The following BAG6 variants were observed in gnomAD, a reference collection of about 807,000 sequenced individuals.
The protein encoded by BAG6 is BAG cochaperone 6, also known as large proline-rich protein BAG6.
A neutral mutation model predicts 121.0 loss-of-function variants in BAG6; 22 were observed. That is an observed-to-expected ratio of 0.18 (90% CI 0.13 to 0.26). The LOEUF is 0.26. BAG6 is among the 10% of genes least tolerant of loss of function. The pLI, the probability that BAG6 is intolerant of heterozygous loss-of-function variation, is 1.00. For synonymous variants in BAG6, 583 were observed against 584.6 expected (o/e 1.00, Z 0.04); for missense variants, 1,233 against 1,537.7 (o/e 0.80, Z 3.31).
intron 2 of BAG6, among the ~76,000 whole-genome samples, chr6:31,649,895 A>T (rs1794414535): frequency 6.6e-6 from 1 of 152,156 alleles, no homozygotes; most frequent in Non-Finnish European, 1.5e-5. Flanking sequence ...TTAGGTCAGG[A>T]GTTCGAGACC....
intron 4 of BAG6, 83 bp downstream of exon 4, chr6:31,649,116 G>T: frequency 6.4e-7 from 1 of 1,563,680 alleles, no homozygotes; most frequent in Non-Finnish European, 8.8e-7. Flanking sequence ...TCTAAAGATG[G>T]AAGCATCTAT....
rs779720134 is a variant in BAG6, at chr6:31,640,272, C to T, written c.3173G>A (p.Ser1058Asn). The T allele has an allele frequency of 6.2e-7, 1 of 1,614,216 alleles. No individual in the cohort carries two copies. The highest frequency in any genetic ancestry group is 8.5e-7 in the Non-Finnish European group (1 of 1,180,034). The part of the protein sequence containing the change: ...WVPIIQQDIQ[S>N]QRKVKPQPPL... ...GGGCTGCGGTTTCACCTTCCGCTGG[C>T]TCTGAATGTCCTGCTGGATAATAGG... The change falls in exon 24 of 26, where the codon AGC (serine) becomes AAC (asparagine). Residue 1058 changes from serine (S) to asparagine (N), a missense_variant. Physicochemically the swap from Ser to Asn is conservative, Grantham distance 46. Transcript: ENST00000676615. This position sits in a 1 kb window ranked among gnomAD's most constrained non-coding sequence, Gnocchi z 4.2.
At position 31,641,464 on chromosome 6, in the gene BAG6, A is replaced by C; in HGVS notation, c.2560-42T>G. ...CACAAAGATCCCAAAATCAAGAATC[A>C]TAAGACTGGGAGTGGAGGAGGCAGC... On this transcript the variant is annotated intron_variant, in intron 18 of 25. Coordinates refer to ENST00000676615, the MANE Select transcript of BAG6 (RefSeq NM_001387994.1). The surrounding 1 kb of genome is among the most constrained non-coding windows in gnomAD (Gnocchi z 5.7). 6.2e-7 allele frequency: 1 copy of C among 1,614,098 alleles called. No individual in the cohort carries two copies. The highest frequency in any genetic ancestry group is 1.1e-5 in the South Asian group (1 of 91,084).
intron 7 of BAG6, 102 bp from the exon 8 acceptor site, chr6:31,646,625 G>A (rs779337845): frequency 7.4e-6 from 11 of 1,483,646 alleles, no homozygotes; most frequent in African/African-American, 1.4e-5. Flanking sequence ...TGGTCTCCCA[G>A]AGCCCTGGCC....
chr6:31,650,361 A>G (rs903834675), intron 2 of BAG6, among the ~76,000 whole-genome samples: 1 of 151,908 alleles, frequency 6.6e-6, no homozygotes, highest in African/African-American at 2.4e-5. Context: ...AAGACTAAGA[A>G]GATAAGAAAG....
chr6:31,640,666 T>C lies in BAG6; in HGVS notation c.2973A>G (p.Glu991=), dbSNP rs1385259375. 4.3e-6 allele frequency: 7 copies of C among 1,612,906 alleles called. No homozygotes were observed. The African/African-American group carries it at 9.3e-5, about 22-fold the overall frequency. ...PEEPMEVQGA[E]RASPEPQREN... is the part of the protein sequence containing the mutation. ...GTACCTGAGGCTCAGGGGAAGCTCT[T>C]TCTGCTCCCTGAACTTCCATTGGCT... Residue 991 remains glutamate (E), a synonymous_variant, in exon 22 of 26, where the codon GAA becomes GAG. Transcript: ENST00000676615. This position sits in a 1 kb window ranked among gnomAD's most constrained non-coding sequence, Gnocchi z 4.2.
chr6:31,647,769 T>C lies in BAG6; in HGVS notation c.610A>G (p.Thr204Ala). The change falls in exon 7 of 26, where the codon ACC becomes GCC. Residue 204 changes from threonine (T) to alanine (A), a missense_variant. This residue lies in a region of BAG6 where 777 missense variants were observed against 861.4 expected (regional missense o/e 0.90). Coordinates refer to ENST00000676615, the MANE Select transcript of BAG6 (RefSeq NM_001387994.1). ...GAGCTCAAGGCTACTGGCTCCGGGGTCACAGCCGGTGGCTGCGGGGGCGGC... is the reference window on the plus strand; with the variant it reads ...GAGCTCAAGGCTACTGGCTCCGGGGCCACAGCCGGTGGCTGCGGGGGCGGC... ...SQPPPQPPAV[T>A]PEPVALSSQT... 6.3e-7 allele frequency: 1 copy of C among 1,597,226 alleles called. No homozygotes were observed. The highest frequency in any genetic ancestry group is 8.5e-7 in the Non-Finnish European group (1 of 1,173,782).
Position 31,640,602 on chromosome 6 carries a change from C to T in BAG6, c.2994+43G>A, listed in dbSNP as rs571034890. On this transcript the variant is annotated intron_variant, in intron 22 of 25. Transcript: ENST00000676615. This position sits in a 1 kb window ranked among gnomAD's most constrained non-coding sequence, Gnocchi z 4.2. The stretch of plus-strand genomic sequence containing the variant: ...CAAACCTTTCTCCCCCAGCCCTCCA[C>T]TCCACATTATCTGGCCCCTCAACCT... The T allele has an allele frequency of 8.1e-6, 13 of 1,612,856 alleles. No homozygotes were observed. Among genetic ancestry groups the T allele is most frequent in the Admixed American group, 6.7e-5 (4 of 60,016 alleles).
rs1788158312 is a variant in BAG6, at chr6:31,645,548, T to C, written c.975A>G (p.Arg325=). The C allele has an allele frequency of 6.2e-7, 1 of 1,613,124 alleles. No homozygotes were observed. Among genetic ancestry groups the C allele is most frequent in the Non-Finnish European group, 8.5e-7 (1 of 1,180,036 alleles). ...RLINLVGESL[R]LLGNTFVALS... is the part of the protein sequence containing the mutation. ...GTGCAACAAAGGTGTTGCCCAGCAG[T>C]CGCAGGCTCTCCCCTACCAAGTTGA... Residue 325 remains arginine (R), a synonymous_variant, in exon 9 of 26, where the codon CGA becomes CGG. Coordinates refer to ENST00000676615, the MANE Select transcript of BAG6 (RefSeq NM_001387994.1).
chr6:31,643,870 G>A lies in BAG6; in HGVS notation c.1756+20C>T. 1 of 1,610,970 alleles carries A rather than the reference G, an allele frequency of 6.2e-7. No homozygotes were observed. The highest frequency in any genetic ancestry group is 8.5e-7 in the Non-Finnish European group (1 of 1,179,088). ...TAGGAAAGGAGTTTAAACTCTGAGT[G>A]GGGAAGAATGAAAACTCACCCACAA... On this transcript the variant is annotated intron_variant, in intron 14 of 25. Coordinates refer to ENST00000676615, the MANE Select transcript of BAG6 (RefSeq NM_001387994.1).
chr6:31,652,356 CA>C lies in BAG6; in HGVS notation c.-14+67del, dbSNP rs1234348050. 285 of 136,328 alleles carry C rather than the reference CA, an allele frequency of 2.1e-3. 2 individuals are homozygous for C. The highest frequency in any genetic ancestry group is 2.2e-3 in the Admixed American group (30 of 13,364). The allele number at this position is 136,328 out of a possible 1,614,324, so 8.4% of individuals were successfully genotyped here. On this transcript the variant is annotated intron_variant, in intron 1 of 25. Coordinates refer to ENST00000676615, the MANE Select transcript of BAG6 (RefSeq NM_001387994.1). ...ACACACACACACACACACACACACA[CA>C]CACCCACCACCCCGCGGCTCCGCCC... is the stretch of plus-strand genomic sequence containing the variant.
At position 31,644,333 on chromosome 6, in the gene BAG6, A is replaced by G. The variant is rs758486443; in HGVS notation, c.1529T>C (p.Val510Ala). Reference sequence around the variant, plus strand: ...TGCGGCCGCGGAGGCAACAGCTGCCACCATGGCCTGATGAGTGATCTGGTG... The same window carrying G: ...TGCGGCCGCGGAGGCAACAGCTGCCGCCATGGCCTGATGAGTGATCTGGTG... ...VAHQITHQAM[V>A]AAVASAAAGQ... Residue 510 changes from valine (V) to alanine (A), a missense_variant, in exon 12 of 26, where the codon GTG (valine) becomes GCG (alanine). This residue lies in a region of BAG6 where 777 missense variants were observed against 861.4 expected (regional missense o/e 0.90). Transcript: ENST00000676615. The surrounding 1 kb of genome is among the most constrained non-coding windows in gnomAD (Gnocchi z 4.9). The G allele has an allele frequency of 1.5e-5, 23 of 1,551,608 alleles. No individual in the cohort carries two copies. Among genetic ancestry groups the G allele is most frequent in the Non-Finnish European group, 2.0e-5 (23 of 1,147,140 alleles).
intron 24 of BAG6, chr6:31,639,848 G>C: frequency 2.9e-6 from 2 of 691,960 alleles, no homozygotes; most frequent in Non-Finnish European, 4.7e-6. Flanking sequence ...TAAAGTGAAT[G>C]TGCTTGAACG....
Position 31,649,336 on chromosome 6 carries a change from A to C in BAG6, c.286T>G (p.Ser96Ala), listed in dbSNP as rs1185308266. 1 of 1,613,248 alleles carries C rather than the reference A, an allele frequency of 6.2e-7. No homozygotes were observed. Among genetic ancestry groups the C allele is most frequent in the African/African-American group, 1.3e-5 (1 of 75,012 alleles). The change falls in exon 4 of 26, where the codon TCT (serine) becomes GCT (alanine). Residue 96 changes from serine to alanine, a missense_variant. By Grantham distance (99) the Ser-to-Ala change is moderately conservative. This residue lies in a region of BAG6 where 777 missense variants were observed against 861.4 expected (regional missense o/e 0.90). Coordinates refer to ENST00000676615, the MANE Select transcript of BAG6 (RefSeq NM_001387994.1). Reference sequence around the variant, plus strand: ...GACCCCGTCCCAGAAGATGCCCCAGAAGGGAGGTGAGTCTGAGGAGGAGCC... The same window carrying C: ...GACCCCGTCCCAGAAGATGCCCCAGCAGGGAGGTGAGTCTGAGGAGGAGCC... ...ERAPPQTHLP[S>A]GASSGTGSAS...
At chr6:31,643,815 G>T in intron 14 of BAG6, 75 bp downstream of exon 14, 1 of 1,433,866 alleles carries the variant, frequency 7.0e-7, no homozygotes, top group Non-Finnish European at 9.5e-7. Context: ...AGAAAATATG[G>T]AAAGAACTGG....
Position 31,645,068 on chromosome 6 carries a change from G to T in BAG6, c.1247C>A (p.Ser416Tyr), listed in dbSNP as rs1465956424. ...TGGCGGGGGAGCCCCCTCAGCTGAG[G>T]ACTCGACATTGGTAGAAGACGGAGC... ...SVAPSSTNVE[S>Y]SAEGAPPPGP... Residue 416 changes from serine (S) to tyrosine (Y), a missense_variant, in exon 10 of 26, where the codon TCC (serine) becomes TAC (tyrosine). Around this residue, in one of 7 missense-constraint regions of BAG6, gnomAD observed 777 missense variants for 861.4 expected, o/e 0.90. Coordinates refer to ENST00000676615, the MANE Select transcript of BAG6 (RefSeq NM_001387994.1). 5 of 1,612,960 alleles carry T rather than the reference G, an allele frequency of 3.1e-6. No individual in the cohort carries two copies. Among genetic ancestry groups the T allele is most frequent in the Non-Finnish European group, 3.4e-6 (4 of 1,180,006 alleles).
intron 25 of BAG6, 101 bp from the exon 26 acceptor site, chr6:31,639,327 C>CA (rs375655136): frequency 2.5e-5 from 36 of 1,452,550 alleles, no homozygotes; most frequent in Non-Finnish European, 3.3e-5. Context: ...TTTCCCCCCC[C>CA]AAGCACACTG....
At position 31,641,387 on chromosome 6, in the gene BAG6, G is replaced by A. The variant is rs561759974; in HGVS notation, c.2595C>T (p.Ile865=). Residue 865 remains isoleucine (I), a synonymous_variant, in exon 19 of 26, where the codon ATC becomes ATT. Transcript: ENST00000676615. This position sits in a 1 kb window ranked among gnomAD's most constrained non-coding sequence, Gnocchi z 5.7. ...CTTGGAGAAATTCCAGGTTTGTCCGGATGATGTCCACACCTGGCTGAACCT... is the reference window on the plus strand; with the variant it reads ...CTTGGAGAAATTCCAGGTTTGTCCGAATGATGTCCACACCTGGCTGAACCT... ...LVQVQPGVDI[I]RTNLEFLQEQ... 2 of 1,614,136 alleles carry A rather than the reference G, an allele frequency of 1.2e-6. No individual in the cohort carries two copies. The highest frequency in any genetic ancestry group is 1.7e-6 in the Non-Finnish European group (2 of 1,180,058).
At position 31,651,724 on chromosome 6, in the gene BAG6, G is replaced by C. The variant is rs769905117; in HGVS notation, c.40C>G (p.Pro14Ala). 2 of 1,613,020 alleles carry C rather than the reference G, an allele frequency of 1.2e-6. No individual in the cohort carries two copies. The highest frequency in any genetic ancestry group is 1.7e-6 in the Non-Finnish European group (2 of 1,180,020). The stretch of plus-strand genomic sequence containing the variant: ...TTCACCAACACCTCCAAGCTGTCAG[G>C]CTCCTCCACAGCGGTACTGGTACTA... ...NDSTSTAVEE[P>A]DSLEVLVKTL... Residue 14 changes from proline to alanine, a missense_variant, in exon 2 of 26, where the codon CCT becomes GCT. Physicochemically the swap from Pro to Ala is conservative, Grantham distance 27. Transcript: ENST00000676615.
Sources: gnomAD v4.1 joint callset for allele counts (sites outside exome capture counted in the v4.1 genomes callset) on GRCh38, gnomAD v4.1.1 for gene constraint, gnomAD v4.1.1 regional missense constraint, Gnocchi (gnomAD v3.1) non-coding constraint, MANE v1.5 for transcripts, NCBI Gene and HGNC (gene_info 2026-07-23, HGNC 2026-07-21) for gene names.